Variants in COQ8A observed in about 807,000 individuals in gnomAD.
COQ8A encodes the protein atypical kinase COQ8A, mitochondrial.
Under a neutral mutation model 65.0 loss-of-function variants are expected in COQ8A, and 51 were observed. That is an observed-to-expected ratio of 0.78 (90% CI 0.63 to 0.99). The LOEUF (loss-of-function observed/expected upper bound fraction) is 0.99, where lower values mean the gene tolerates loss of function less well. Among genes scored for constraint, COQ8A ranks in the 50% least tolerant of loss-of-function variants. The pLI is 0.00. For missense variants in COQ8A, 940 were observed against 875.0 expected (o/e 1.07, Z -0.94); for synonymous variants, 371 against 353.2 (o/e 1.05, Z -0.57).
chr1:226,956,909 C>G (rs1347583230), intron 1 of COQ8A, among the ~76,000 whole-genome samples: 18 of 110,484 alleles, frequency 1.6e-4, no homozygotes, highest in East Asian at 3.3e-4. Flanking sequence ...CTCCCTGGCT[C>G]CCACTCCCTG....
At chr1:226,945,433 C>G (rs958486929) in intron 1 of COQ8A, among the ~76,000 whole-genome samples, 2 of 152,136 alleles carry the variant, frequency 1.3e-5, no homozygotes, top group Non-Finnish European at 2.9e-5. Context: ...GGGCCCCAGC[C>G]CAGTGTTTGT....
chr1:226,958,527 C>T (rs1001271994), intron 1 of COQ8A, among the ~76,000 whole-genome samples: 3 of 152,204 alleles, frequency 2.0e-5, no homozygotes, highest in Non-Finnish European at 4.4e-5. Flanking sequence ...ACGGGCATGC[C>T]ACGCTGCCAT....
intron 1 of COQ8A, among the ~76,000 whole-genome samples, chr1:226,952,199 C>T (rs1657430023): frequency 6.6e-6 from 1 of 152,128 alleles, no homozygotes; most frequent in Non-Finnish European, 1.5e-5. Context: ...TGCCACTTTC[C>T]ATCCGCCTGG....
chr1:226,947,316 A>G (rs1657098304), intron 1 of COQ8A, among the ~76,000 whole-genome samples: 1 of 152,158 alleles, frequency 6.6e-6, no homozygotes, highest in Non-Finnish European at 1.5e-5. Flanking sequence ...GGCCCTTAGG[A>G]GATTGCTCAG....
At position 226,946,929 on chromosome 1, in the gene COQ8A, A is replaced by G. The variant is rs1021386435; in HGVS notation, c.-10+6530A>G. 2.0e-5 allele frequency among the ~76,000 whole-genome samples: 3 copies of G among 152,132 alleles called. No homozygotes were observed. Among genetic ancestry groups the G allele is most frequent in the Non-Finnish European group, 2.9e-5 (2 of 68,010 alleles). On this transcript the variant is annotated intron_variant, in intron 1 of 14. Coordinates refer to ENST00000366777, the MANE Select transcript of COQ8A (RefSeq NM_020247.5). The surrounding 1 kb of genome is among the most constrained non-coding windows in gnomAD (Gnocchi z 5.3). ...TGTAGGGCGTCTGCCTCTTTCCACT[A>G]TTTATGTTTAAGATCAAACTGGCTC...
intron 3 of COQ8A, 95 bp from the exon 4 acceptor site, chr1:226,965,576 G>T: frequency 1.3e-6 from 2 of 1,521,200 alleles, no homozygotes; most frequent in Non-Finnish European, 1.8e-6. Context: ...TGCTGACTGT[G>T]GGGTGGAGAG....
rs373650678 is a variant in COQ8A at position 226,963,971 on chromosome 1, C to A, written c.178-1029C>A. Among the ~76,000 whole-genome samples, 49 of 152,324 alleles carry A rather than the reference C, an allele frequency of 3.2e-4. 1 individual carries two copies. In the South Asian group the frequency reaches 0.01, roughly 32 times the overall value. ...GCAGGGCCAGCCTGGGTGTTGGATCCCGGCTCTGTCATTTGCTGCCTGGTG... is the reference window on the plus strand; with the variant it reads ...GCAGGGCCAGCCTGGGTGTTGGATCACGGCTCTGTCATTTGCTGCCTGGTG... On this transcript the variant is annotated intron_variant, in intron 2 of 14. Transcript: ENST00000366777.
chr1:226,965,216 G>A lies in COQ8A; in HGVS notation c.394G>A (p.Gly132Ser), dbSNP rs774512029. 5 of 1,613,674 alleles carry A rather than the reference G, an allele frequency of 3.1e-6. No homozygotes were observed. Among genetic ancestry groups the A allele is most frequent in the African/African-American group, 1.3e-5 (1 of 75,054 alleles). The change falls in exon 3 of 15, where the codon GGC becomes AGC. Residue 132 changes from glycine to serine, a missense_variant. Coordinates refer to ENST00000366777, the MANE Select transcript of COQ8A (RefSeq NM_020247.5). ...SGPFREAGFP[G>S]QASSPLGRAN... ...ACCCTTTAGAGAAGCCGGGTTCCCC[G>A]GCCAGGCCTCCTCCCCTCTGGGCAG...
At chr1:226,984,064 G>C (rs1659905777) in intron 10 of COQ8A, 30 bp from the exon 11 acceptor site, 1 of 1,612,354 alleles carries the variant, frequency 6.2e-7, no homozygotes, top group East Asian at 2.2e-5. Flanking sequence ...AGGGCCTGTG[G>C]CTAGGGCGTG....
intron 4 of COQ8A, among the ~76,000 whole-genome samples, chr1:226,974,608 C>T (rs1659084192): frequency 2.0e-5 from 3 of 152,166 alleles, no homozygotes; most frequent in Admixed American, 6.5e-5. Flanking sequence ...CTGAGCAATG[C>T]GCTGAGTCTG....
Position 226,983,785 on chromosome 1 carries a change from A to T in COQ8A, c.1187A>T (p.Asp396Val). The T allele has an allele frequency of 6.2e-7, 1 of 1,612,998 alleles. No homozygotes were observed. The highest frequency in any genetic ancestry group is 2.2e-5 in the East Asian group (1 of 44,858). The change falls in exon 10 of 15, where the codon GAC becomes GTC. Residue 396 changes from aspartate (D) to valine (V), a missense_variant. Coordinates refer to ENST00000366777, the MANE Select transcript of COQ8A (RefSeq NM_020247.5). ...PEGLFPEHLI[D>V]VLRRELALEC... ...GGCCTGTTCCCCGAGCACCTGATCG[A>T]CGTGCTGAGGCGGGAGCTGGCCCTG...
intron 4 of COQ8A, among the ~76,000 whole-genome samples, chr1:226,968,170 T>C (rs1558193343): frequency 6.6e-6 from 1 of 151,994 alleles, no homozygotes; most frequent in African/African-American, 2.4e-5. Context: ...CAATTCCTAC[T>C]AAAAAAATAC....
intron 4 of COQ8A, among the ~76,000 whole-genome samples, chr1:226,971,109 T>C (rs1298116383): frequency 6.6e-6 from 1 of 151,934 alleles, no homozygotes; most frequent in Non-Finnish European, 1.5e-5. Context: ...CCCAGCTAAT[T>C]TTTGTATTTT....
intron 2 of COQ8A, 147 bp downstream of exon 2, chr1:226,961,709 C>T (rs1658266183): frequency 9.9e-7 from 1 of 1,014,486 alleles, no homozygotes; most frequent in Non-Finnish European, 1.4e-6. Context: ...CACGGTCCTT[C>T]CAGGGTGGGA....
intron 8 of COQ8A, 142 bp from the exon 9 acceptor site, chr1:226,983,410 C>T: frequency 2.5e-6 from 2 of 803,856 alleles, no homozygotes. Context: ...GGCAGCATGG[C>T]TGGGTCTTAG....
In COQ8A at chr1:226,946,344, A is replaced by G. The variant is rs1657042934; in HGVS notation, c.-10+5945A>G. ...CCAAGATTCCAGCAGGGGAAATGAT[A>G]TTCCATGGGGAGGAGGGAGCAGGAT... On this transcript the variant is annotated intron_variant, in intron 1 of 14. Transcript: ENST00000366777. The surrounding 1 kb of genome is among the most constrained non-coding windows in gnomAD (Gnocchi z 5.3). 6.6e-6 allele frequency among the ~76,000 whole-genome samples: 1 copy of G among 152,160 alleles called. No individual in the cohort carries two copies. Among genetic ancestry groups the G allele is most frequent in the African/African-American group, 2.4e-5 (1 of 41,436 alleles).
chr1:226,943,800 C>T (rs1276094535), intron 1 of COQ8A, among the ~76,000 whole-genome samples: 1 of 152,206 alleles, frequency 6.6e-6, no homozygotes, highest in Non-Finnish European at 1.5e-5. Flanking sequence ...CACAATCAAG[C>T]TATAGAACAA....
chr1:226,985,388 G>C (rs531697069), intron 14 of COQ8A, 48 bp downstream of exon 14: 1 of 1,593,842 alleles, frequency 6.3e-7, no homozygotes, highest in African/African-American at 1.3e-5. Flanking sequence ...CCCAGGGCCC[G>C]GCTCCCTGTG....
Position 226,973,252 on chromosome 1 carries a change from A to G in COQ8A, c.656-4197A>G, listed in dbSNP as rs115574305. ...CTAGATCCAAGAGTTCTGCACCCTCAGCAGGGGTGCGGGAGTGTAGTTTTT... is the reference window on the plus strand; with the variant it reads ...CTAGATCCAAGAGTTCTGCACCCTCGGCAGGGGTGCGGGAGTGTAGTTTTT... On this transcript the variant is annotated intron_variant, in intron 4 of 14. Transcript: ENST00000366777. Among the ~76,000 whole-genome samples the G allele has an allele frequency of 3.7e-3, 563 of 152,316 alleles. 3 individuals are homozygous for G. The highest frequency in any genetic ancestry group is 0.013 in the African/African-American group (543 of 41,568).
Sources: allele counts gnomAD v4.1 joint callset (sites outside exome capture counted in the v4.1 genomes callset), GRCh38; gene constraint gnomAD v4.1.1; non-coding constraint Gnocchi (gnomAD v3.1); transcripts MANE v1.5; gene names NCBI Gene and HGNC (gene_info 2026-07-23, HGNC 2026-07-21).